ASTN2: variants seen among roughly 807,000 people sequenced by gnomAD.
ASTN2 encodes astrotactin-2.
Under a neutral mutation model 139.8 loss-of-function variants are expected in ASTN2, and 54 were observed. The ratio of observed to expected loss-of-function variants is 0.39; its 90% CI spans 0.31 to 0.48. The LOEUF (loss-of-function observed/expected upper bound fraction) is 0.48. Among genes scored for constraint, ASTN2 ranks in the 20% least tolerant of loss-of-function variants. The probability of loss-of-function intolerance (pLI) is 0.95; values close to 1 mark genes in which losing one functional copy is unlikely to be tolerated. For missense variants in ASTN2, 1,565 were observed against 1,725.1 expected (o/e 0.91, Z 1.64); for synonymous variants, 756 against 719.5 (o/e 1.05, Z -0.81).
intron 5 of ASTN2, among the ~76,000 whole-genome samples, chr9:117,093,983 A>G (rs1828771549): frequency 6.6e-6 from 1 of 152,206 alleles, no homozygotes; most frequent in Admixed American, 6.5e-5. Context: ...GATATAATAC[A>G]AACCCCACAA....
chr9:116,448,099 A>C (rs536176258), intron 20 of ASTN2, among the ~76,000 whole-genome samples: 3 of 152,298 alleles, frequency 2.0e-5, no homozygotes, highest in South Asian at 2.1e-4. Flanking sequence ...TCTCCAGGCC[A>C]ACGCCTGCTC....
chr9:117,405,942 G>C (rs1830973595), intron 1 of ASTN2, among the ~76,000 whole-genome samples: 1 of 152,200 alleles, frequency 6.6e-6, no homozygotes, highest in South Asian at 2.1e-4. Context: ...AGCAGCAATG[G>C]CTATGGGTGC....
At chr9:116,906,904 C>G (rs1246737283) in intron 10 of ASTN2, among the ~76,000 whole-genome samples, 1 of 152,054 alleles carries the variant, frequency 6.6e-6, no homozygotes, top group African/African-American at 2.4e-5. Flanking sequence ...ATCTATAGCC[C>G]CTTAAAATGT....
chr9:116,789,744 A>G (rs537386946), intron 13 of ASTN2, among the ~76,000 whole-genome samples: 3 of 152,242 alleles, frequency 2.0e-5, no homozygotes, highest in African/African-American at 7.2e-5. Flanking sequence ...AAGGAATACA[A>G]AGAAAGTAAT....
At chr9:116,630,116 G>A (rs932374048) in intron 17 of ASTN2, among the ~76,000 whole-genome samples, 29 of 152,222 alleles carry the variant, frequency 1.9e-4, no homozygotes, top group Admixed American at 1.9e-3. Context: ...TGACATGCAG[G>A]GATTCATTTA....
At position 116,991,186 on chromosome 9, in the gene ASTN2, A is replaced by T. The variant is rs117521610; in HGVS notation, c.1592-14401T>A. The stretch of plus-strand genomic sequence containing the variant: ...CACACACACACATACACACAGAAAC[A>T]CATACTCCTCCTTCTATTCAGAGGC... On this transcript the variant is annotated intron_variant, in intron 7 of 22. Coordinates refer to ENST00000313400, the MANE Select transcript of ASTN2 (RefSeq NM_001365068.1). 2.6e-4 allele frequency among the ~76,000 whole-genome samples: 39 copies of T among 152,288 alleles called. No homozygotes were observed. The East Asian group carries it at 7.5e-3, about 29-fold the overall frequency.
chr9:117,081,225 C>A (rs894079416), intron 5 of ASTN2, among the ~76,000 whole-genome samples: 5 of 152,206 alleles, frequency 3.3e-5, no homozygotes, highest in Non-Finnish European at 2.9e-5. Context: ...GTCCTGCAGT[C>A]TCTCAGCTGT....
At chr9:116,941,493 A>G (rs10983420) in intron 10 of ASTN2, among the ~76,000 whole-genome samples, 1 of 151,470 alleles carries the variant, frequency 6.6e-6, no homozygotes, top group East Asian at 2.0e-4. Context: ...CCTCTTACTC[A>G]GAGAAGGGTG....
chr9:116,749,210 A>G (rs982725482), intron 13 of ASTN2, among the ~76,000 whole-genome samples: 1 of 152,190 alleles, frequency 6.6e-6, no homozygotes, highest in Non-Finnish European at 1.5e-5. Context: ...GGCTCTCAAT[A>G]AATGGCAGCT....
Position 117,032,953 on chromosome 9 carries a change from A to G in ASTN2, c.1423+6866T>C, listed in dbSNP as rs114844656. On this transcript the variant is annotated intron_variant, in intron 6 of 22. Transcript: ENST00000313400. Reference sequence around the variant, plus strand: ...TAACCATTTAAAATAACCTGAATAAAAAGACATTTTAGCATAGGTATTTTG... The same window carrying G: ...TAACCATTTAAAATAACCTGAATAAGAAGACATTTTAGCATAGGTATTTTG... Among the ~76,000 whole-genome samples, 245 of 152,286 alleles carry G rather than the reference A, an allele frequency of 1.6e-3. 1 individual carries two copies. Among genetic ancestry groups the G allele is most frequent in the African/African-American group, 5.6e-3 (234 of 41,564 alleles).
intron 1 of ASTN2, among the ~76,000 whole-genome samples, chr9:117,315,623 T>C (rs1038171522): frequency 6.6e-6 from 1 of 152,194 alleles, no homozygotes; most frequent in African/African-American, 2.4e-5. Flanking sequence ...AATGCTCATC[T>C]CCTTTTTCTT....
intron 10 of ASTN2, among the ~76,000 whole-genome samples, chr9:116,877,084 C>T (rs185111790): frequency 4.6e-5 from 7 of 152,064 alleles, no homozygotes; most frequent in African/African-American, 1.7e-4. Context: ...TTTCACAAAT[C>T]GCACATTTAC....
At chr9:117,238,081 C>A (rs555269700) in intron 2 of ASTN2, among the ~76,000 whole-genome samples, 4 of 152,188 alleles carry the variant, frequency 2.6e-5, no homozygotes, top group Middle Eastern at 3.2e-3. Context: ...GCTCCAATTG[C>A]AACCTGGCTC....
chr9:116,679,136 A>G (rs1209319124), intron 16 of ASTN2, among the ~76,000 whole-genome samples: 1 of 152,162 alleles, frequency 6.6e-6, no homozygotes, highest in Non-Finnish European at 1.5e-5. Flanking sequence ...AAATTTTTGA[A>G]GTTATCATTT....
chr9:116,833,840 G>A (rs2900137), intron 11 of ASTN2, among the ~76,000 whole-genome samples: 36,053 of 152,032 alleles, frequency 0.24, 4,914 homozygotes, highest in East Asian at 0.5. Context: ...CCTTGGGGAC[G>A]TGATTAGGTC....
chr9:117,398,497 T>C (rs1210735774), intron 1 of ASTN2, among the ~76,000 whole-genome samples: 1 of 152,226 alleles, frequency 6.6e-6, no homozygotes, highest in African/African-American at 2.4e-5. Flanking sequence ...TGATCTATCA[T>C]GGAGGCCAGC....
At chr9:116,732,592 G>A (rs1267613809) in intron 14 of ASTN2, among the ~76,000 whole-genome samples, 1 of 152,190 alleles carries the variant, frequency 6.6e-6, no homozygotes, top group Non-Finnish European at 1.5e-5. Context: ...TATCACAAAG[G>A]CAGAGTCGAG....
intron 10 of ASTN2, among the ~76,000 whole-genome samples, chr9:116,900,893 C>T (rs1833991665): frequency 6.6e-6 from 1 of 152,118 alleles, no homozygotes; most frequent in South Asian, 2.1e-4. Context: ...TTATTTTTGC[C>T]ATAAGCTTCT....
At chr9:116,497,122 G>A (rs1849693324) in intron 19 of ASTN2, among the ~76,000 whole-genome samples, 1 of 152,184 alleles carries the variant, frequency 6.6e-6, no homozygotes, top group African/African-American at 2.4e-5. Flanking sequence ...AAGTGCAAGT[G>A]TGCATCTGAG....
Sources: gnomAD v4.1 joint callset for allele counts (sites outside exome capture counted in the v4.1 genomes callset) on GRCh38, gnomAD v4.1.1 for gene constraint, MANE v1.5 for transcripts, NCBI Gene and HGNC (gene_info 2026-07-23, HGNC 2026-07-21) for gene names.